The following FASTKD1 variants were observed in gnomAD, a reference collection of about 807,000 sequenced individuals.
FASTKD1 encodes FAST kinase domains 1.
FASTKD1 carries 94 observed loss-of-function variants against 90.9 expected under a neutral mutation model. The observed-to-expected ratio is 1.03, with a 90% CI of 0.88 to 1.23. The LOEUF (loss-of-function observed/expected upper bound fraction) is 1.23, where lower values mean the gene tolerates loss of function less well. Among genes scored for constraint, FASTKD1 ranks in the 50% most tolerant of loss-of-function variants. FASTKD1 has a pLI of 0.00. For missense variants in FASTKD1, 945 were observed against 993.5 expected, an observed-to-expected ratio of 0.95 and a Z score of 0.66; for synonymous variants, 319 against 345.8, an observed-to-expected ratio of 0.92 and a Z score of 0.86.
chr2:169,545,652 C>A (rs1435987183), intron 8 of FASTKD1, among the ~76,000 whole-genome samples: 1 of 152,090 alleles, frequency 6.6e-6, no homozygotes, highest in African/African-American at 2.4e-5. Flanking sequence ...CCAATGGATA[C>A]CTTATAATTT....
intron 2 of FASTKD1, among the ~76,000 whole-genome samples, chr2:169,570,082 C>G (rs1316172618): frequency 1.3e-5 from 2 of 152,136 alleles, no homozygotes; most frequent in Non-Finnish European, 2.9e-5. Flanking sequence ...TGCCAATTCT[C>G]TTACAAAAAC....
intron 6 of FASTKD1, 116 bp downstream of exon 6, chr2:169,557,071 T>G: frequency 1.4e-6 from 1 of 707,950 alleles, no homozygotes; most frequent in Non-Finnish European, 2.5e-6. Context: ...TAAGCATTAA[T>G]TCCTTATTTC....
At chr2:169,530,846 G>A in intron 13 of FASTKD1, 145 bp from the exon 14 acceptor site, 1 of 644,726 alleles carries the variant, frequency 1.6e-6, no homozygotes, top group Non-Finnish European at 2.8e-6. Flanking sequence ...TTTCTACTAA[G>A]AAATTAGTAA....
intron 12 of FASTKD1, among the ~76,000 whole-genome samples, chr2:169,535,464 A>AT (rs1553535173): frequency 1.7e-4 from 26 of 149,736 alleles, no homozygotes; most frequent in Non-Finnish European, 3.0e-4. Flanking sequence ...TTATTTATTT[A>AT]TTATTTGTTT....
chr2:169,569,891 T>C (rs1684155396), intron 2 of FASTKD1, among the ~76,000 whole-genome samples: 1 of 152,046 alleles, frequency 6.6e-6, no homozygotes, highest in Admixed American at 6.6e-5. Context: ...AAAATGTTTG[T>C]AAAAAAATTA....
At chr2:169,538,766 A>C (rs1198959427) in intron 10 of FASTKD1, among the ~76,000 whole-genome samples, 1 of 151,960 alleles carries the variant, frequency 6.6e-6, no homozygotes, top group African/African-American at 2.4e-5. Context: ...ACAATGATTC[A>C]TGTATAACAA....
intron 5 of FASTKD1, among the ~76,000 whole-genome samples, 200 bp from the exon 6 acceptor site, chr2:169,557,497 T>C (rs894856598): frequency 2.0e-5 from 3 of 152,190 alleles, no homozygotes; most frequent in Non-Finnish European, 2.9e-5. Flanking sequence ...TCTTCTTCAA[T>C]GAAATTCAGG....
At chr2:169,563,377 A>G (rs780173085) in intron 3 of FASTKD1, 27 bp from the exon 4 acceptor site, 30 of 1,492,820 alleles carry the variant, frequency 2.0e-5, no homozygotes, top group South Asian at 9.9e-5. Context: ...ACAAAGGAGA[A>G]CATTAGTATT....
chr2:169,539,603 T>TAA (rs199506522), intron 10 of FASTKD1, among the ~76,000 whole-genome samples: 1 of 146,476 alleles, frequency 6.8e-6, no homozygotes, highest in Non-Finnish European at 1.5e-5. Flanking sequence ...TCCCAGCTCT[T>TAA]AAAAAAAAAA....
intron 8 of FASTKD1, among the ~76,000 whole-genome samples, 167 bp from the exon 9 acceptor site, chr2:169,545,002 C>G (rs564029447): frequency 2.0e-5 from 3 of 152,158 alleles, no homozygotes; most frequent in African/African-American, 7.2e-5. Flanking sequence ...TTTATTTAAC[C>G]CCACCAACAT....
chr2:169,571,103 G>A (rs917300405), intron 2 of FASTKD1: 7 of 152,728 alleles, frequency 4.6e-5, no homozygotes, highest in African/African-American at 1.7e-4. Context: ...AGTTGTTAAA[G>A]GAGAATTGCT....
rs1299033295 is a variant in FASTKD1, at chr2:169,557,102, AAAG to A, written c.1082+82_1082+84del. 4 of 838,838 alleles carry A rather than the reference AAAG, an allele frequency of 4.8e-6. No individual in the cohort carries two copies. In the East Asian group the frequency reaches 7.5e-5, roughly 16 times the overall value. The allele number at this position is 838,838 out of a possible 1,614,324, so 52.0% of individuals were successfully genotyped here. On this transcript the variant is annotated intron_variant, in intron 6 of 14. Coordinates refer to ENST00000453153, the MANE Select transcript of FASTKD1 (RefSeq NM_024622.6). Reference sequence around the variant, plus strand: ...ATTTCTTCAAAACAACTGGTAGATTAAAGAAGAAAACCATTTTTCCTTAGAAAA... The same window carrying A: ...ATTTCTTCAAAACAACTGGTAGATTAAAGAAAACCATTTTTCCTTAGAAAA...
intron 7 of FASTKD1, among the ~76,000 whole-genome samples, chr2:169,552,142 A>G (rs1292770885): frequency 6.6e-6 from 1 of 152,198 alleles, no homozygotes; most frequent in African/African-American, 2.4e-5. Context: ...TGAAGTGCCT[A>G]TGATTTTTAT....
intron 8 of FASTKD1, among the ~76,000 whole-genome samples, chr2:169,545,495 G>A (rs1231021512): frequency 6.6e-6 from 1 of 152,120 alleles, no homozygotes. Context: ...GAGAAACACT[G>A]TCTTTTAAAT....
At chr2:169,546,734 C>G (rs755032692) in intron 7 of FASTKD1, 30 bp from the exon 8 acceptor site, 4 of 1,567,704 alleles carry the variant, frequency 2.6e-6, no homozygotes, top group Non-Finnish European at 3.5e-6. Flanking sequence ...AAGAATACAT[C>G]AGCAACAAAC....
chr2:169,534,484 CAG>C (rs1356057633), intron 12 of FASTKD1, among the ~76,000 whole-genome samples: 1 of 118,468 alleles, frequency 8.4e-6, no homozygotes, highest in African/African-American at 3.2e-5. Context: ...TTTTTTGATA[CAG>C]AGTCTCACTG....
intron 3 of FASTKD1, among the ~76,000 whole-genome samples, chr2:169,565,751 T>C (rs949315129): frequency 1.3e-5 from 2 of 152,232 alleles, no homozygotes; most frequent in Non-Finnish European, 2.9e-5. Flanking sequence ...TTTTAGTTTT[T>C]GGGGGAACCT....
chr2:169,561,574 T>C (rs1683600882), intron 4 of FASTKD1, among the ~76,000 whole-genome samples: 1 of 151,580 alleles, frequency 6.6e-6, no homozygotes, highest in Non-Finnish European at 1.5e-5. Context: ...ATGTAACTAT[T>C]AACTCTCCTT....
chr2:169,572,685 TC>T (rs540211716), intron 1 of FASTKD1, among the ~76,000 whole-genome samples: 261 of 152,022 alleles, frequency 1.7e-3, no homozygotes, highest in African/African-American at 6.0e-3. Flanking sequence ...ATAAAAGAAG[TC>T]ATATAATTTA....
Sources: allele counts gnomAD v4.1 joint callset (sites outside exome capture counted in the v4.1 genomes callset), GRCh38; gene constraint gnomAD v4.1.1; transcripts MANE v1.5; gene names NCBI Gene and HGNC (gene_info 2026-07-23, HGNC 2026-07-21).